The following ART4 variants were observed in gnomAD, a reference collection of about 807,000 sequenced individuals.
ART4 encodes ecto-ADP-ribosyltransferase 4.
In ART4, 14 loss-of-function variants were observed where a neutral mutation model predicts 24.2. That is an observed-to-expected ratio of 0.58 (90% CI 0.38 to 0.90). The LOEUF is 0.90. ART4 is among the 40% of genes least tolerant of loss of function. The pLI is 0.00. For synonymous variants in ART4, 145 were observed against 139.9 expected (o/e 1.04, Z -0.26); for missense variants, 356 against 366.6 (o/e 0.97, Z 0.24).
Position 14,825,993 on chromosome 12 carries a change from A to G in ART4, c.*3378T>C, listed in dbSNP as rs1950357782. On this transcript the variant is annotated 3_prime_UTR_variant, in exon 3 of 3. Transcript: ENST00000228936. ...GTTTAATAAAATTACTATAGGACAT[A>G]AGTACTCCTTACAGCACAGTCTCTG... The G allele has an allele frequency of 1.3e-5, 2 of 152,330 alleles. No homozygotes were observed. Among genetic ancestry groups the G allele is most frequent in the Non-Finnish European group, 2.9e-5 (2 of 68,022 alleles). 9.4% of individuals were successfully genotyped at this position (152,330 alleles called of 1,614,324 possible). A position where few individuals can be genotyped will look rare whatever the true frequency, so the allele number is the denominator to read the frequency against.
Position 14,829,458 on chromosome 12 carries a change from G to A in ART4, c.858C>T (p.Ser286=), listed in dbSNP as rs889607129. ...TAGGATCAGGGATGCATTTCTTGCT[G>A]GAAGCTGTAAAAAACAAAACAAAGG... ...STYNCQLLKA[S]SKKCIPDPIA... The change falls in exon 3 of 3, where the codon TCC becomes TCT. Residue 286 remains serine, a synonymous_variant. Coordinates refer to ENST00000228936, the MANE Select transcript of ART4 (RefSeq NM_021071.4). 1 of 1,605,342 alleles carries A rather than the reference G, an allele frequency of 6.2e-7. No individual in the cohort carries two copies. Among genetic ancestry groups the A allele is most frequent in the Non-Finnish European group, 8.5e-7 (1 of 1,177,040 alleles).
intron 2 of ART4, among the ~76,000 whole-genome samples, chr12:14,835,759 C>T (rs1262361378): frequency 6.6e-6 from 1 of 152,016 alleles, no homozygotes; most frequent in African/African-American, 2.4e-5. Flanking sequence ...GCTCGTGCCA[C>T]CACTCCTGGC....
At chr12:14,838,265 G>T (rs141741459) in intron 2 of ART4, among the ~76,000 whole-genome samples, 7 of 152,208 alleles carry the variant, frequency 4.6e-5, no homozygotes, top group African/African-American at 1.7e-4. Flanking sequence ...TTTCTTTGAG[G>T]TTTATAGAGT....
intron 2 of ART4, among the ~76,000 whole-genome samples, chr12:14,839,525 A>G (rs1950452283): frequency 6.6e-6 from 1 of 152,210 alleles, no homozygotes; most frequent in Non-Finnish European, 1.5e-5. Context: ...ATGGTGGAAG[A>G]GAAGTTGGTA....
At chr12:14,832,153 T>C (rs1950400977) in intron 2 of ART4, among the ~76,000 whole-genome samples, 2 of 152,200 alleles carry the variant, frequency 1.3e-5, no homozygotes, top group South Asian at 4.1e-4. Context: ...CCAAAACCTC[T>C]CAGTGGTATC....
chr12:14,827,824 AG>A lies in ART4; in HGVS notation c.*1546del, dbSNP rs1226827713. 3.3e-5 allele frequency: 5 copies of A among 152,248 alleles called. No individual in the cohort carries two copies. Among genetic ancestry groups the A allele is most frequent in the Non-Finnish European group, 5.9e-5 (4 of 68,066 alleles). 9.4% of individuals were successfully genotyped at this position (152,248 alleles called of 1,614,324 possible). A position where few individuals can be genotyped will look rare whatever the true frequency, so the allele number is the denominator to read the frequency against. On this transcript the variant is annotated 3_prime_UTR_variant, in exon 3 of 3. Coordinates refer to ENST00000228936, the MANE Select transcript of ART4 (RefSeq NM_021071.4). ...TACAGAGATGCCTGAACTCCCTGCC[AG>A]GTAATTTTATGTAGCTTATTCCCCA...
intron 2 of ART4, among the ~76,000 whole-genome samples, chr12:14,838,249 A>T (rs191185047): frequency 1.3e-5 from 2 of 152,174 alleles, no homozygotes; most frequent in Admixed American, 1.3e-4. Context: ...GGTGTCCTGA[A>T]ATATTTTTCT....
chr12:14,840,471 C>T lies in ART4; in HGVS notation c.827G>A (p.Ser276Asn), dbSNP rs146333931. The T allele has an allele frequency of 1.9e-6, 3 of 1,612,896 alleles. No homozygotes were observed. Among genetic ancestry groups the T allele is most frequent in the African/African-American group, 1.3e-5 (1 of 74,886 alleles). Residue 276 changes from serine to asparagine, a missense_variant, in exon 2 of 3, where the codon AGC (serine) becomes AAC (asparagine). Transcript: ENST00000228936. ...TTTTAGCAGCTGACAGTTATATGTG[C>T]TCAGGTTCCCAGTTGACCTCAACTG... Reference protein sequence around the residue: ...WLQLRSTGNLSTYNCQLLKAS... With the variant: ...WLQLRSTGNLNTYNCQLLKAS...
Position 14,842,994 on chromosome 12 carries a change from C to T in ART4, c.120G>A (p.Leu40=), listed in dbSNP as rs1863076828. The change falls in exon 1 of 3, where the codon CTG becomes CTA. Residue 40 remains leucine (L), a synonymous_variant. Transcript: ENST00000228936. ...CCTCAGAACCCTCTGTGGGTCTCTG[C>T]AGGCCAGAGAGGAGCAGCAGGAATG... ...LLPFLLLLSG[L]QRPTEGSEVA... is the part of the protein sequence containing the mutation. 1 of 1,613,276 alleles carries T rather than the reference C, an allele frequency of 6.2e-7. No individual in the cohort carries two copies. Among genetic ancestry groups the T allele is most frequent in the Non-Finnish European group, 8.5e-7 (1 of 1,179,670 alleles).
Position 14,843,390 on chromosome 12 carries a change from A to C in ART4, c.-277T>G. On this transcript the variant is annotated 5_prime_UTR_variant, in exon 1 of 3. Transcript: ENST00000228936. ...GAACCCAAGTTACTTTTCAATTAAAAAAATAAAATCTCTGATCTAGTCTGT... is the reference window on the plus strand; with the variant it reads ...GAACCCAAGTTACTTTTCAATTAAACAAATAAAATCTCTGATCTAGTCTGT... 1 of 319,598 alleles carries C rather than the reference A, an allele frequency of 3.1e-6. No homozygotes were observed. The highest frequency in any genetic ancestry group is 6.0e-6 in the Non-Finnish European group (1 of 167,414). 19.8% of individuals were successfully genotyped at this position (319,598 alleles called of 1,614,324 possible). A position where few individuals can be genotyped will look rare whatever the true frequency, so the allele number is the denominator to read the frequency against.
At chr12:14,838,400 G>A (rs1415164038) in intron 2 of ART4, among the ~76,000 whole-genome samples, 1 of 152,088 alleles carries the variant, frequency 6.6e-6, no homozygotes, top group Non-Finnish European at 1.5e-5. Context: ...TCCTAGTGAA[G>A]AATTATATGT....
At chr12:14,842,229 G>A (rs184721798) in intron 1 of ART4, among the ~76,000 whole-genome samples, 14 of 152,142 alleles carry the variant, frequency 9.2e-5, no homozygotes, top group African/African-American at 2.9e-4. Context: ...TGATGTTTTC[G>A]TAATAAACAG....
In ART4 at chr12:14,826,734, T is replaced by C. The variant is rs1052389984; in HGVS notation, c.*2637A>G. On this transcript the variant is annotated 3_prime_UTR_variant, in exon 3 of 3. Transcript: ENST00000228936. ...CCTTATGCTGTACATACATCGATCA[T>C]TCCGTATTCGCTTCTATTTTCTGCT... 7 of 152,240 alleles carry C rather than the reference T, an allele frequency of 4.6e-5. No homozygotes were observed. Among genetic ancestry groups the C allele is most frequent in the African/African-American group, 1.7e-4 (7 of 41,456 alleles). The allele number at this position is 152,240 out of a possible 1,614,324, so 9.4% of individuals were successfully genotyped here.
chr12:14,840,470 G>A lies in ART4; in HGVS notation c.828C>T (p.Ser276=). ...WLQLRSTGNL[S]TYNCQLLKAS... ...CTTTTAGCAGCTGACAGTTATATGT[G>A]CTCAGGTTCCCAGTTGACCTCAACT... Residue 276 remains serine (S), a synonymous_variant, in exon 2 of 3, where the codon AGC becomes AGT. Transcript: ENST00000228936. 1 of 1,613,186 alleles carries A rather than the reference G, an allele frequency of 6.2e-7. No individual in the cohort carries two copies. The highest frequency in any genetic ancestry group is 1.1e-5 in the South Asian group (1 of 90,858).
chr12:14,833,707 T>C (rs1001781064), intron 2 of ART4, among the ~76,000 whole-genome samples: 1 of 152,214 alleles, frequency 6.6e-6, no homozygotes, highest in Non-Finnish European at 1.5e-5. Flanking sequence ...TCATGAAGTC[T>C]GAATCTGAAT....
chr12:14,835,166 T>C (rs1950421180), intron 2 of ART4, among the ~76,000 whole-genome samples: 1 of 152,208 alleles, frequency 6.6e-6, no homozygotes, highest in South Asian at 2.1e-4. Flanking sequence ...GAATAGCTTG[T>C]GGCTCCTGCT....
At chr12:14,830,119 A>AGTGTGT (rs113436435) in intron 2 of ART4, among the ~76,000 whole-genome samples, 2,565 of 145,688 alleles carry the variant, frequency 0.018, 43 homozygotes, top group African/African-American at 0.032. Context: ...TCCTGTTTGG[A>AGTGTGT]GTGTGTGTGT....
chr12:14,837,061 T>A (rs1029783122), intron 2 of ART4, among the ~76,000 whole-genome samples: 11 of 152,106 alleles, frequency 7.2e-5, no homozygotes, highest in African/African-American at 2.7e-4. Context: ...CTGAGAGGGC[T>A]ACTAAGTGAC....
At position 14,829,306 on chromosome 12, in the gene ART4, A is replaced by T; in HGVS notation, c.*65T>A. ...GGAAAATAAATGTCCATTTCTAGCC[A>T]AAAGGCCAATAAAAAAGATTTTATT... is the stretch of plus-strand genomic sequence containing the variant. On this transcript the variant is annotated 3_prime_UTR_variant, in exon 3 of 3. Transcript: ENST00000228936. 4 of 1,155,902 alleles carry T rather than the reference A, an allele frequency of 3.5e-6. No homozygotes were observed. Among genetic ancestry groups the T allele is most frequent in the Non-Finnish European group, 4.8e-6 (4 of 834,534 alleles). 71.6% of individuals were successfully genotyped at this position (1,155,902 alleles called of 1,614,324 possible).
Sources: allele counts gnomAD v4.1 joint callset (sites outside exome capture counted in the v4.1 genomes callset), GRCh38; gene constraint gnomAD v4.1.1; transcripts MANE v1.5; gene names NCBI Gene and HGNC (gene_info 2026-07-23, HGNC 2026-07-21).